CCDC3: variants seen among roughly 807,000 people sequenced by gnomAD.
CCDC3 encodes the protein coiled-coil domain containing 3.
A neutral mutation model predicts 21.4 loss-of-function variants in CCDC3; 24 were observed. The observed-to-expected ratio is 1.12, with a 90% CI of 0.81 to 1.58. The LOEUF (loss-of-function observed/expected upper bound fraction) is 1.58, where lower values mean the gene tolerates loss of function less well. CCDC3 is among the 40% of genes most tolerant of loss of function. The pLI is 0.00. For synonymous variants in CCDC3, 186 were observed against 166.0 expected (o/e 1.12, Z -0.93); for missense variants, 425 against 360.9 (o/e 1.18, Z -1.44).
rs140936699 is a variant in CCDC3, at chr10:12,898,507, G to C, written c.722C>G (p.Ala241Gly). The C allele has an allele frequency of 6.2e-7, 1 of 1,614,058 alleles. No individual in the cohort carries two copies. Among genetic ancestry groups the C allele is most frequent in the Non-Finnish European group, 8.5e-7 (1 of 1,179,974 alleles). The change falls in exon 3 of 3, where the codon GCG (alanine) becomes GGG (glycine). Residue 241 changes from alanine to glycine, a missense_variant. Transcript: ENST00000378825. ...ARKKGRHLEL[A>G]NQKLSEKLAA... ...CAGCTTCTCACTGAGTTTCTGGTTC[G>C]CCAGCTCCAGGTGGCGGCCCTTCTT...
At position 12,995,974 on chromosome 10, in the gene CCDC3, G is replaced by A. The variant is rs544203983; in HGVS notation, c.549+2364C>T. Reference sequence around the variant, plus strand: ...AGTTATGTAGCTTAAGATTTTAAGGGCTAACCTATTAAAGATCAGAATAAT... The same window carrying A: ...AGTTATGTAGCTTAAGATTTTAAGGACTAACCTATTAAAGATCAGAATAAT... On this transcript the variant is annotated intron_variant, in intron 2 of 2. Transcript: ENST00000378825. Among the ~76,000 whole-genome samples, 8 of 152,278 alleles carry A rather than the reference G, an allele frequency of 5.3e-5. No homozygotes were observed. The South Asian group carries it at 1.7e-3, about 32-fold the overall frequency.
Position 12,945,225 on chromosome 10 carries a change from T to A in CCDC3, c.550-46546A>T, listed in dbSNP as rs144669706. 3.8e-3 allele frequency among the ~76,000 whole-genome samples: 572 copies of A among 152,314 alleles called. 12 individuals carry two copies. The highest frequency in any genetic ancestry group is 0.031 in the Admixed American group (477 of 15,296). ...TGCTTCCTTTCACTGGAAATTAAGA[T>A]GATTTAGTATATAACTAAAATTACC... On this transcript the variant is annotated intron_variant, in intron 2 of 2. Transcript: ENST00000378825.
chr10:12,937,799 G>A (rs898473469), intron 2 of CCDC3, among the ~76,000 whole-genome samples: 1 of 152,146 alleles, frequency 6.6e-6, no homozygotes, highest in Non-Finnish European at 1.5e-5. Context: ...TCAGATGGGA[G>A]GCCACTACGG....
chr10:12,949,291 A>G (rs943914925), intron 2 of CCDC3, among the ~76,000 whole-genome samples: 1 of 152,164 alleles, frequency 6.6e-6, no homozygotes, highest in Non-Finnish European at 1.5e-5. Flanking sequence ...AGTTTTGGCT[A>G]TGGGATATAA....
At chr10:13,084,134 C>A (rs1253977572) in intron 3 of CCDC3, among the ~76,000 whole-genome samples, 3 of 152,152 alleles carry the variant, frequency 2.0e-5, no homozygotes, top group Admixed American at 2.0e-4. Flanking sequence ...TTATCACAAA[C>A]CCTTGTAGCA....
chr10:13,025,292 G>C (rs1836200742), intron 5 of CCDC3, among the ~76,000 whole-genome samples: 1 of 152,170 alleles, frequency 6.6e-6, no homozygotes, highest in East Asian at 1.9e-4. Context: ...TGGCAGATTG[G>C]TTCCAAGAAA....
chr10:12,924,627 T>A (rs1319431780), intron 2 of CCDC3: 1 of 152,198 alleles, frequency 6.6e-6, no homozygotes, highest in Non-Finnish European at 1.5e-5. Context: ...AATCCCCAAC[T>A]TCTTACTCTG....
chr10:13,031,718 C>G (rs951654596), intron 5 of CCDC3, among the ~76,000 whole-genome samples: 2 of 152,088 alleles, frequency 1.3e-5, no homozygotes, highest in Non-Finnish European at 2.9e-5. Context: ...AACACCTCTA[C>G]ACAAATAAAC....
intron 2 of CCDC3, among the ~76,000 whole-genome samples, chr10:12,937,686 C>G (rs773468838): frequency 6.6e-6 from 1 of 152,150 alleles, no homozygotes; most frequent in African/African-American, 2.4e-5. Flanking sequence ...AACCCTTGTT[C>G]CATAGGGACA....
chr10:13,029,557 T>C (rs936636981), intron 5 of CCDC3, among the ~76,000 whole-genome samples: 3 of 152,074 alleles, frequency 2.0e-5, no homozygotes, highest in African/African-American at 2.4e-5. Context: ...TAAAGGAGGA[T>C]GTCCGAACCC....
chr10:12,899,571 T>C (rs1363333857), intron 2 of CCDC3, among the ~76,000 whole-genome samples: 2 of 152,000 alleles, frequency 1.3e-5, no homozygotes, highest in Non-Finnish European at 2.9e-5. Flanking sequence ...TCTGGTTCCA[T>C]AAATTATAGT....
chr10:13,029,034 C>T lies in CCDC3; in HGVS notation c.-2+20640G>A, dbSNP rs1044882558. Among the ~76,000 whole-genome samples, 7 of 152,274 alleles carry T rather than the reference C, an allele frequency of 4.6e-5. No homozygotes were observed. The South Asian group carries it at 1.2e-3, about 27-fold the overall frequency. On this transcript the variant is annotated intron_variant, in intron 5 of 6. Coordinates refer to the CCDC3 transcript ENST00000378839. ...ATTCCCTCTGACTGAGTAGCCTGTT[C>T]GGCCACTAAACAGGGTGTGCAGGTG...
At chr10:12,919,875 T>A (rs529877458) in intron 2 of CCDC3, among the ~76,000 whole-genome samples, 2 of 152,260 alleles carry the variant, frequency 1.3e-5, no homozygotes, top group South Asian at 4.1e-4. Flanking sequence ...AGAAAAGCTA[T>A]GCTCAGGAAA....
intron 2 of CCDC3, among the ~76,000 whole-genome samples, chr10:12,983,535 C>T (rs554268953): frequency 6.0e-5 from 9 of 150,576 alleles, no homozygotes; most frequent in Non-Finnish European, 1.3e-4. Flanking sequence ...TGCACCACTG[C>T]ACTCCCACCT....
At chr10:12,945,418 A>T (rs982000950) in intron 2 of CCDC3, among the ~76,000 whole-genome samples, 2 of 148,014 alleles carry the variant, frequency 1.4e-5, no homozygotes, top group African/African-American at 2.5e-5. Flanking sequence ...AAGTATAGGG[A>T]AAAAAAAAAC....
chr10:13,060,928 GGAGTGAAAAATTCAAGGAAGA>G (rs1240901912), intron 4 of CCDC3, among the ~76,000 whole-genome samples: 2 of 152,172 alleles, frequency 1.3e-5, no homozygotes, highest in Non-Finnish European at 2.9e-5. Flanking sequence ...AGATTTTAAT[GGAGTGAAAAATTCAAGGAAGA>G]GAGGGCTCTA....
intron 2 of CCDC3, among the ~76,000 whole-genome samples, chr10:12,973,131 A>G (rs1446059550): frequency 6.6e-6 from 1 of 152,230 alleles, no homozygotes; most frequent in Non-Finnish European, 1.5e-5. Flanking sequence ...CCAGGAAAAG[A>G]CAGATAAATA....
chr10:12,928,914 A>C (rs1158918378), intron 2 of CCDC3, among the ~76,000 whole-genome samples: 1 of 152,114 alleles, frequency 6.6e-6, no homozygotes, highest in African/African-American at 2.4e-5. Context: ...CTTTGGAGGC[A>C]CCTGGTTGAC....
chr10:12,983,396 A>G (rs1057264195), intron 2 of CCDC3, among the ~76,000 whole-genome samples: 3 of 151,184 alleles, frequency 2.0e-5, no homozygotes, highest in Non-Finnish European at 4.4e-5. Flanking sequence ...AACATGGTGA[A>G]ACCTTGTCTC....
Sources: gnomAD v4.1 joint callset for allele counts (sites outside exome capture counted in the v4.1 genomes callset) on GRCh38, gnomAD v4.1.1 for gene constraint, MANE v1.5 for transcripts, NCBI Gene and HGNC (gene_info 2026-07-23, HGNC 2026-07-21) for gene names.